The following MAP2K6 variants were observed in gnomAD, a reference collection of about 807,000 sequenced individuals.
MAP2K6 encodes dual specificity mitogen-activated protein kinase kinase 6.
In MAP2K6, 16 loss-of-function variants were observed where a neutral mutation model predicts 53.7. The ratio of observed to expected loss-of-function variants is 0.30; its 90% CI spans 0.20 to 0.45. MAP2K6 has a LOEUF of 0.45. Among genes scored for constraint, MAP2K6 ranks in the 20% least tolerant of loss-of-function variants. The pLI is 1.00. For missense variants in MAP2K6, 204 were observed against 411.9 expected, an observed-to-expected ratio of 0.50 and a Z score of 4.37; for synonymous variants, 132 against 143.1, an observed-to-expected ratio of 0.92 and a Z score of 0.55.
intron 11 of MAP2K6, 86 bp downstream of exon 11, chr17:69,536,246 C>T: frequency 1.0e-6 from 1 of 953,790 alleles, no homozygotes. Context: ...ATCACATCAC[C>T]ATATTGGAAG....
intron 2 of MAP2K6, among the ~76,000 whole-genome samples, chr17:69,516,075 G>T (rs1004175467): frequency 6.6e-6 from 1 of 152,014 alleles, no homozygotes; most frequent in African/African-American, 2.4e-5. Context: ...TGAACTGGGT[G>T]GGGGGATGAT....
Position 69,429,651 on chromosome 17 carries a change from T to C in MAP2K6, c.16+14651T>C, listed in dbSNP as rs180873410. 7.2e-4 allele frequency among the ~76,000 whole-genome samples: 110 copies of C among 152,356 alleles called. 1 individual carries two copies. Among genetic ancestry groups the C allele is most frequent in the Admixed American group, 9.1e-4 (14 of 15,306 alleles). Reference sequence around the variant, plus strand: ...CTTTATGTGATCTGGGTACCTTTAGTATAAAATTATGAGTAAAATATCAGA... The same window carrying C: ...CTTTATGTGATCTGGGTACCTTTAGCATAAAATTATGAGTAAAATATCAGA... On this transcript the variant is annotated intron_variant, in intron 1 of 11. Coordinates refer to ENST00000590474, the MANE Select transcript of MAP2K6 (RefSeq NM_002758.4).
intron 2 of MAP2K6, among the ~76,000 whole-genome samples, chr17:69,508,684 A>G (rs1300119662): frequency 6.6e-6 from 1 of 152,206 alleles, no homozygotes; most frequent in African/African-American, 2.4e-5. Context: ...CATGCTTTTG[A>G]TAATAAGTCT....
chr17:69,509,382 T>C (rs545213531), intron 2 of MAP2K6, among the ~76,000 whole-genome samples: 1 of 152,350 alleles, frequency 6.6e-6, no homozygotes, highest in African/African-American at 2.4e-5. Context: ...TTTGTGAACT[T>C]GGTTTTCACT....
chr17:69,454,384 T>C (rs1235018050), intron 1 of MAP2K6, among the ~76,000 whole-genome samples: 1 of 152,108 alleles, frequency 6.6e-6, no homozygotes, highest in African/African-American at 2.4e-5. Context: ...AATGATGATA[T>C]TTCTTTCTTT....
intron 1 of MAP2K6, among the ~76,000 whole-genome samples, chr17:69,464,627 C>T (rs1331314013): frequency 6.6e-6 from 1 of 152,126 alleles, no homozygotes; most frequent in East Asian, 1.9e-4. Flanking sequence ...AGTGATCCGC[C>T]CATCTCAGTC....
At chr17:69,491,945 G>T (rs77963779) in intron 1 of MAP2K6, among the ~76,000 whole-genome samples, 3 of 151,920 alleles carry the variant, frequency 2.0e-5, no homozygotes, top group Non-Finnish European at 2.9e-5. Context: ...TTAGCCACAT[G>T]TATATCTTCT....
At chr17:69,504,909 C>G (rs1468596257) in intron 1 of MAP2K6, among the ~76,000 whole-genome samples, 1 of 152,104 alleles carries the variant, frequency 6.6e-6, no homozygotes, top group African/African-American at 2.4e-5. Flanking sequence ...TACTCTATCC[C>G]TCTCTTAAGT....
intron 1 of MAP2K6, among the ~76,000 whole-genome samples, chr17:69,437,416 G>A (rs1050027568): frequency 1.1e-4 from 16 of 152,070 alleles, no homozygotes; most frequent in Non-Finnish European, 5.9e-5. Context: ...GGTTGGTTTT[G>A]CTGTCTTGGG....
chr17:69,493,352 C>T (rs1279094971), intron 1 of MAP2K6, among the ~76,000 whole-genome samples: 1 of 151,744 alleles, frequency 6.6e-6, no homozygotes, highest in Non-Finnish European at 1.5e-5. Flanking sequence ...ACAAAAGGGG[C>T]AATGCCTTCT....
chr17:69,463,037 T>TCC lies in MAP2K6; in HGVS notation c.17-42742_17-42741dup, dbSNP rs1336507324. On this transcript the variant is annotated intron_variant, in intron 1 of 11. Transcript: ENST00000590474. The stretch of plus-strand genomic sequence containing the variant: ...ATCCATACGGTCAGGATTGGCTGAC[T>TCC]CCTTCACGGTAATGGGAGATGTATT... 4.7e-5 allele frequency among the ~76,000 whole-genome samples: 7 copies of TCC among 150,148 alleles called. No homozygotes were observed. The South Asian group carries it at 1.3e-3, about 28-fold the overall frequency.
At chr17:69,484,855 A>G (rs1908470957) in intron 1 of MAP2K6, among the ~76,000 whole-genome samples, 1 of 152,176 alleles carries the variant, frequency 6.6e-6, no homozygotes, top group Non-Finnish European at 1.5e-5. Flanking sequence ...TCATTATATG[A>G]AATATCTAGA....
intron 10 of MAP2K6, among the ~76,000 whole-genome samples, chr17:69,529,869 T>C (rs1200313258): frequency 2.0e-5 from 3 of 152,160 alleles, no homozygotes; most frequent in African/African-American, 7.2e-5. Flanking sequence ...CCGGCATCAT[T>C]GCTCTTCATA....
At chr17:69,527,886 C>T (rs1377748245) in intron 10 of MAP2K6, among the ~76,000 whole-genome samples, 4 of 152,014 alleles carry the variant, frequency 2.6e-5, no homozygotes, top group Admixed American at 1.3e-4. Context: ...GAGGCCAAGG[C>T]GAGTGGATCA....
intron 1 of MAP2K6, among the ~76,000 whole-genome samples, chr17:69,440,780 T>C (rs1034447653): frequency 3.9e-5 from 6 of 152,058 alleles, no homozygotes; most frequent in Non-Finnish European, 8.8e-5. Context: ...TGAATCCTTC[T>C]AGCCTCCATT....
chr17:69,526,391 G>A (rs1421613679), intron 9 of MAP2K6, among the ~76,000 whole-genome samples, 179 bp from the exon 10 acceptor site: 1 of 152,126 alleles, frequency 6.6e-6, no homozygotes, highest in Non-Finnish European at 1.5e-5. Context: ...CCTAGCACTA[G>A]GAATTTGGGG....
At chr17:69,441,244 T>A (rs1906807340) in intron 1 of MAP2K6, among the ~76,000 whole-genome samples, 1 of 152,220 alleles carries the variant, frequency 6.6e-6, no homozygotes, top group Non-Finnish European at 1.5e-5. Context: ...TCAAATTCTT[T>A]CTCTTCTTCT....
chr17:69,512,717 A>G (rs1014270545), intron 2 of MAP2K6, among the ~76,000 whole-genome samples: 11 of 152,176 alleles, frequency 7.2e-5, no homozygotes, highest in Non-Finnish European at 1.6e-4. Context: ...CTTGATTTCA[A>G]TTCATACCCT....
chr17:69,466,085 C>A (rs1400263710), intron 1 of MAP2K6, among the ~76,000 whole-genome samples: 1 of 145,030 alleles, frequency 6.9e-6, no homozygotes, highest in Non-Finnish European at 1.5e-5. Flanking sequence ...CCAGCCTAGC[C>A]AACATGATGA....
Sources: allele counts gnomAD v4.1 joint callset (sites outside exome capture counted in the v4.1 genomes callset), GRCh38; gene constraint gnomAD v4.1.1; transcripts MANE v1.5; gene names NCBI Gene and HGNC (gene_info 2026-07-23, HGNC 2026-07-21).